TLL1: variants seen among roughly 807,000 people sequenced by gnomAD.
TLL1 encodes tolloid like 1.
A neutral mutation model predicts 128.2 loss-of-function variants in TLL1; 49 were observed. The ratio of observed to expected loss-of-function variants is 0.38; its 90% CI spans 0.30 to 0.48. The LOEUF is 0.48. TLL1 is among the 20% of genes least tolerant of loss of function. TLL1 has a pLI of 0.96. For synonymous variants in TLL1, 454 were observed against 418.8 expected, an observed-to-expected ratio of 1.08 and a Z score of -1.03; for missense variants, 1,123 against 1,242.0, an observed-to-expected ratio of 0.90 and a Z score of 1.44.
intron 1 of TLL1, among the ~76,000 whole-genome samples, chr4:165,941,911 GTTAC>G (rs1316649397): frequency 6.6e-6 from 1 of 152,066 alleles, no homozygotes. Flanking sequence ...TCTGGACCCA[GTTAC>G]TTTTCTTCTA....
chr4:165,894,759 C>G (rs1465340373), intron 1 of TLL1, among the ~76,000 whole-genome samples: 1 of 151,682 alleles, frequency 6.6e-6, no homozygotes, highest in East Asian at 1.9e-4. Flanking sequence ...TCATGGGTGA[C>G]TATTATCAGG....
intron 8 of TLL1, 56 bp from the exon 9 acceptor site, chr4:166,025,260 T>G: frequency 2.4e-6 from 3 of 1,270,002 alleles, no homozygotes; most frequent in Non-Finnish European, 3.5e-6. Flanking sequence ...TTGTTTATGA[T>G]ATTCACGTAT....
intron 14 of TLL1, among the ~76,000 whole-genome samples, chr4:166,058,633 A>G (rs1371370046): frequency 6.6e-6 from 1 of 152,054 alleles, no homozygotes; most frequent in African/African-American, 2.4e-5. Context: ...TACAGGCAGG[A>G]TGAATTGGAA....
chr4:166,048,238 G>GA (rs56801648), intron 12 of TLL1, among the ~76,000 whole-genome samples: 2,286 of 100,538 alleles, frequency 0.023, 36 homozygotes, highest in Middle Eastern at 0.058. Flanking sequence ...TTCCGTCTCG[G>GA]AAAAAAAAAA....
intron 1 of TLL1, among the ~76,000 whole-genome samples, chr4:165,900,205 CT>C (rs1731908131): frequency 1.3e-5 from 2 of 152,064 alleles, no homozygotes; most frequent in Admixed American, 1.3e-4. Context: ...CAGTCTGTGT[CT>C]TTTAATTGGG....
intron 1 of TLL1, among the ~76,000 whole-genome samples, chr4:165,972,451 G>A (rs1051345387): frequency 2.0e-4 from 31 of 152,226 alleles, no homozygotes; most frequent in Middle Eastern, 3.4e-3. Context: ...ATGGGTTCCA[G>A]GTTTGAAAAC....
At chr4:165,976,942 A>G (rs1378722350) in intron 1 of TLL1, among the ~76,000 whole-genome samples, 1 of 152,122 alleles carries the variant, frequency 6.6e-6, no homozygotes, top group African/African-American at 2.4e-5. Context: ...CTCATCATCT[A>G]TAGTTAGTGT....
chr4:166,096,947 A>G (rs1742051715), intron 19 of TLL1, among the ~76,000 whole-genome samples: 1 of 152,146 alleles, frequency 6.6e-6, no homozygotes, highest in African/African-American at 2.4e-5. Context: ...AGTGGATCGT[A>G]GAGTACAGAT....
In TLL1 at chr4:165,895,633, T is replaced by TAAAAAAAAA. The variant is rs57920393; in HGVS notation, c.169+21581_169+21589dup. 2.2e-3 allele frequency among the ~76,000 whole-genome samples: 148 copies of TAAAAAAAAA among 68,444 alleles called. 14 individuals carry two copies. The highest frequency in any genetic ancestry group is 0.014 in the African/African-American group (136 of 9,920). The allele number at this position is 68,444 out of a possible 152,430, so 44.9% of individuals were successfully genotyped here. ...CCAAAAAGCTCAGTAAGACTTTTTG[T>TAAAAAAAAA]AAAAAAAAAAAAAAAAAAAAAAAAA... is the stretch of plus-strand genomic sequence containing the variant. On this transcript the variant is annotated intron_variant, in intron 1 of 20. Coordinates refer to ENST00000061240, the MANE Select transcript of TLL1 (RefSeq NM_012464.5).
chr4:165,986,555 TC>T (rs1353291361), intron 1 of TLL1, among the ~76,000 whole-genome samples: 2 of 152,052 alleles, frequency 1.3e-5, no homozygotes, highest in Non-Finnish European at 2.9e-5. Flanking sequence ...TTTGGTTTTC[TC>T]CTAAAGCAAT....
Position 166,099,457 on chromosome 4 carries a change from A to G in TLL1, c.2837A>G (p.Tyr946Cys). Residue 946 changes from tyrosine (Y) to cysteine (C), a missense_variant, in exon 20 of 21, where the codon TAT becomes TGT. By Grantham distance (194) the Tyr-to-Cys change is radical (BLOSUM62 -2). Coordinates refer to ENST00000061240, the MANE Select transcript of TLL1 (RefSeq NM_012464.5). ...FEVEEEADCG[Y>C]DYVELFDGLD... is the part of the protein sequence containing the mutation. ...GTGGAGGAAGAAGCAGACTGTGGCT[A>G]TGACTATGTGGAGCTCTTTGATGGT... The G allele has an allele frequency of 6.2e-7, 1 of 1,613,518 alleles. No individual in the cohort carries two copies.
chr4:166,045,380 A>G (rs1739418361), intron 12 of TLL1, among the ~76,000 whole-genome samples: 1 of 152,156 alleles, frequency 6.6e-6, no homozygotes, highest in African/African-American at 2.4e-5. Context: ...CCCAAGGAAC[A>G]TCCTTAATTC....
chr4:165,956,001 C>CT (rs1734769147), intron 1 of TLL1, among the ~76,000 whole-genome samples: 1 of 151,978 alleles, frequency 6.6e-6, no homozygotes, highest in African/African-American at 2.4e-5. Flanking sequence ...AACCAGCAAG[C>CT]TTTTTATTAA....
At chr4:165,890,368 T>C (rs561278630) in intron 1 of TLL1, among the ~76,000 whole-genome samples, 2 of 152,294 alleles carry the variant, frequency 1.3e-5, no homozygotes, top group East Asian at 3.9e-4. Context: ...ACTCATTCCA[T>C]CATTAACTCA....
chr4:165,881,159 T>C (rs1730951694), intron 1 of TLL1, among the ~76,000 whole-genome samples: 1 of 152,204 alleles, frequency 6.6e-6, no homozygotes, highest in African/African-American at 2.4e-5. Context: ...ATCTTTCAAA[T>C]ATCCCCGGGA....
At chr4:166,065,965 T>G in intron 16 of TLL1, 102 bp downstream of exon 16, 1 of 652,592 alleles carries the variant, frequency 1.5e-6, no homozygotes. Context: ...TAAATGCAAC[T>G]TGAAGATAAG....
intron 1 of TLL1, among the ~76,000 whole-genome samples, chr4:165,969,878 T>C (rs1735557766): frequency 6.6e-6 from 1 of 152,158 alleles, no homozygotes; most frequent in Admixed American, 6.5e-5. Context: ...CTTGGACACA[T>C]TCTTATCATA....
intron 15 of TLL1, among the ~76,000 whole-genome samples, chr4:166,062,316 C>T (rs1342138539): frequency 3.3e-5 from 5 of 152,098 alleles, no homozygotes; most frequent in Admixed American, 2.6e-4. Flanking sequence ...GGCAGTATAG[C>T]CATTTTCACA....
In TLL1 at chr4:165,941,397, A is replaced by G. The variant is rs533540223; in HGVS notation, c.170-47984A>G. Among the ~76,000 whole-genome samples, 6 of 152,272 alleles carry G rather than the reference A, an allele frequency of 3.9e-5. No individual in the cohort carries two copies. In the East Asian group the frequency reaches 1.2e-3, roughly 29 times the overall value. On this transcript the variant is annotated intron_variant, in intron 1 of 20. Coordinates refer to ENST00000061240, the MANE Select transcript of TLL1 (RefSeq NM_012464.5). ...AGTCTAGAGTTAAGTGGAAGAGAAG[A>G]AATCATTTGAAAGCATAGATAGCAT...
Sources: gnomAD v4.1 joint callset for allele counts (sites outside exome capture counted in the v4.1 genomes callset) on GRCh38, gnomAD v4.1.1 for gene constraint, MANE v1.5 for transcripts, NCBI Gene and HGNC (gene_info 2026-07-23, HGNC 2026-07-21) for gene names.